Variants in PDXDC1 observed in about 807,000 individuals in gnomAD.
PDXDC1 encodes the protein pyridoxal-dependent decarboxylase domain-containing protein 1.
PDXDC1 carries 42 observed loss-of-function variants against 100.1 expected under a neutral mutation model. That is an observed-to-expected ratio of 0.42 (90% confidence interval 0.33 to 0.54). The LOEUF (loss-of-function observed/expected upper bound fraction) is 0.54. Among genes scored for constraint, PDXDC1 ranks in the 20% least tolerant of loss-of-function variants. PDXDC1 has a pLI of 0.10. For missense variants in PDXDC1, 636 were observed against 979.2 expected (o/e 0.65, Z 4.68); for synonymous variants, 260 against 371.7 (o/e 0.70, Z 3.46).
At chr16:15,142,202 C>T (rs1598294545), downstream of PDXDC1, among the ~76,000 whole-genome samples, 1 of 152,116 alleles carries the variant, frequency 6.6e-6, no homozygotes, top group African/African-American at 2.4e-5. Context: ...CAAGCCAGGG[C>T]AGGGGTGGGG....
At chr16:15,055,992 CAG>C in intron 16 of PDXDC1, 1 of 1,203,200 alleles carries the variant, frequency 8.3e-7, no homozygotes, top group Non-Finnish European at 1.0e-6. Context: ...GCCGCCCAGG[CAG>C]GCCCAGGGAG....
At chr16:15,101,065 C>T (rs1422140979) in intron 16 of PDXDC1, among the ~76,000 whole-genome samples, 2 of 152,134 alleles carry the variant, frequency 1.3e-5, no homozygotes, top group Non-Finnish European at 2.9e-5. Flanking sequence ...GTTTCCAGAA[C>T]TTCAATTTTC....
At chr16:15,061,730 A>G in intron 16 of PDXDC1, 1 of 1,599,762 alleles carries the variant, frequency 6.3e-7, no homozygotes, top group Non-Finnish European at 8.6e-7. Context: ...CATCTCAGTC[A>G]CAAATTTCTG....
At chr16:15,111,410 T>C (rs2047054034) in intron 16 of PDXDC1, among the ~76,000 whole-genome samples, 1 of 141,490 alleles carries the variant, frequency 7.1e-6, no homozygotes. Flanking sequence ...GAGCTGAGAT[T>C]GTGCCATTGC....
At chr16:15,146,992 C>T in the PDXDC1 span, among the ~76,000 whole-genome samples, 9 of 152,102 alleles carry the variant, frequency 5.9e-5, no homozygotes, top group Admixed American at 2.0e-4. Flanking sequence ...GACTCCAGGG[C>T]GCAAATTCCC....
chr16:15,043,364 C>T (rs1307867605), intron 16 of PDXDC1, among the ~76,000 whole-genome samples: 1 of 152,172 alleles, frequency 6.6e-6, no homozygotes, highest in Non-Finnish European at 1.5e-5. Flanking sequence ...AGAGTTATGG[C>T]GAGACCCTGT....
chr16:15,068,099 TTACAA>T, intron 16 of PDXDC1: 1 of 1,503,320 alleles, frequency 6.7e-7, no homozygotes, highest in South Asian at 1.2e-5. Context: ...TTTAACACTC[TTACAA>T]TACTAGATAA....
rs370890127 is a variant in PDXDC1, at chr16:15,133,765, G to A, written c.1400-5114G>A. 19 of 1,587,250 alleles carry A rather than the reference G, an allele frequency of 1.2e-5. No homozygotes were observed. The East Asian group carries it at 1.6e-4, about 13-fold the overall frequency. On this transcript the variant is annotated intron_variant, in intron 16 of 16. Coordinates refer to the PDXDC1 transcript ENST00000535621. ...CGTGACGTCACAGTCGGGGGATCCC[G>A]CTGCTCCCCCTAAGCAGGCCTGTAC...
chr16:15,098,539 C>A (rs577535386), intron 16 of PDXDC1, among the ~76,000 whole-genome samples: 1 of 151,930 alleles, frequency 6.6e-6, no homozygotes, highest in Non-Finnish European at 1.5e-5. Flanking sequence ...TCATCTGGAT[C>A]CTCCCTACCT....
Position 15,025,844 on chromosome 16 carries a change from G to GTA in PDXDC1, c.1141-796_1141-795dup, listed in dbSNP as rs1388453465. Reference sequence around the variant, plus strand: ...GACCCCATGGCTTGACCAAGTCAGGGTATACTGTTTGATGCAAAACAGGAA... The same window carrying GTA: ...GACCCCATGGCTTGACCAAGTCAGGGTATATACTGTTTGATGCAAAACAGGAA... On this transcript the variant is annotated intron_variant, in intron 13 of 22. Transcript: ENST00000396410. The GTA allele has an allele frequency of 5.2e-5, 8 of 152,652 alleles. No homozygotes were observed. In the East Asian group the frequency reaches 1.5e-3, roughly 29 times the overall value. The allele number at this position is 152,652 out of a possible 1,614,324, so 9.5% of individuals were successfully genotyped here.
downstream of PDXDC1, among the ~76,000 whole-genome samples, chr16:15,143,596 G>A (rs750524919): frequency 2.0e-5 from 3 of 152,214 alleles, no homozygotes; most frequent in Non-Finnish European, 4.4e-5. Context: ...GAGGGTGGGT[G>A]AAGCCTGAGG....
intron 16 of PDXDC1, chr16:15,093,906 A>G: frequency 1.9e-6 from 1 of 536,018 alleles, no homozygotes; most frequent in Non-Finnish European, 3.2e-6. Context: ...AATCACGAAG[A>G]GACACAGTCG....
chr16:15,008,930 C>G, intron 7 of PDXDC1, 83 bp downstream of exon 7: 3 of 1,326,176 alleles, frequency 2.3e-6, no homozygotes, highest in South Asian at 2.5e-5. Flanking sequence ...TTGCTGGCCT[C>G]CAGATAATTA....
chr16:15,031,812 C>T lies in PDXDC1; in HGVS notation c.1477C>T (p.Leu493Phe), dbSNP rs200924494. The T allele has an allele frequency of 1.2e-5, 20 of 1,613,920 alleles. No individual in the cohort carries two copies. Among genetic ancestry groups the T allele is most frequent in the Non-Finnish European group, 1.6e-5 (19 of 1,179,876 alleles). The change falls in exon 17 of 23, where the codon CTC (leucine) becomes TTC (phenylalanine). Residue 493 changes from leucine to phenylalanine, a missense_variant. This residue lies in a region of PDXDC1 where 452 missense variants were observed against 402.9 expected (regional missense o/e 1.12). Transcript: ENST00000396410. ...ESKLPVLCCT[L>F]QLREEFKQEV... ...CAAACTGCCAGTGCTGTGCTGTACG[C>T]TCCAGTTGCGTGAAGAGTTCAAGCA... is the stretch of plus-strand genomic sequence containing the variant.
intron 16 of PDXDC1, among the ~76,000 whole-genome samples, chr16:15,109,773 T>C (rs1598115819): frequency 7.7e-6 from 1 of 129,288 alleles, no homozygotes. Context: ...TGCTTCAAAC[T>C]GGGAGGCAGA....
intron 1 of PDXDC1, among the ~76,000 whole-genome samples, chr16:14,981,493 T>A (rs1967975854): frequency 6.6e-6 from 1 of 152,302 alleles, no homozygotes; most frequent in Non-Finnish European, 1.5e-5. Flanking sequence ...TTAGCAGTTT[T>A]CTTTTTGTTC....
At chr16:14,976,073 G>A (rs1475653724) in intron 1 of PDXDC1, among the ~76,000 whole-genome samples, 7 of 152,294 alleles carry the variant, frequency 4.6e-5, no homozygotes, top group African/African-American at 1.4e-4. Context: ...GCTCTACCAT[G>A]TGAAACGGAT....
intron 9 of PDXDC1, among the ~76,000 whole-genome samples, chr16:15,016,685 C>T (rs1429618052): frequency 6.6e-6 from 1 of 152,414 alleles, no homozygotes; most frequent in African/African-American, 2.4e-5. Flanking sequence ...GTGTCTCCTC[C>T]CCACAAAGCT....
Position 15,031,817 on chromosome 16 carries a change from GT to G in PDXDC1, c.1484del (p.Leu495CysfsTer26), listed in dbSNP as rs749813975. 1 of 1,613,880 alleles carries G rather than the reference GT, an allele frequency of 6.2e-7. No individual in the cohort carries two copies. The highest frequency in any genetic ancestry group is 8.5e-7 in the Non-Finnish European group (1 of 1,179,808). Reference protein sequence around the residue: ...KLPVLCCTLQLREEFKQEVEA... With the variant: ...KLPVLCCTLQXREEFKQEVEA... ...TGCCAGTGCTGTGCTGTACGCTCCA[GT>G]TGCGTGAAGAGTTCAAGCAGGAAGT... On this transcript the variant is annotated frameshift_variant, in exon 17 of 23. Coordinates refer to ENST00000396410, the MANE Select transcript of PDXDC1 (RefSeq NM_015027.4). LOFTEE classifies it high-confidence loss of function.
Sources: allele counts gnomAD v4.1 joint callset (sites outside exome capture counted in the v4.1 genomes callset), GRCh38; gene constraint gnomAD v4.1.1; regional missense constraint gnomAD v4.1.1; transcripts MANE v1.5; gene names NCBI Gene and HGNC (gene_info 2026-07-23, HGNC 2026-07-21).